Variants in PCYT1B observed in about 807,000 individuals in gnomAD.
The protein encoded by PCYT1B is choline-phosphate cytidylyltransferase B.
Under a neutral mutation model 26.4 loss-of-function variants are expected in PCYT1B, and 10 were observed. That is an observed-to-expected ratio of 0.38 (90% confidence interval 0.23 to 0.64). PCYT1B has a LOEUF of 0.64. PCYT1B is among the 30% of genes least tolerant of loss of function. The pLI is 0.56. For missense variants in PCYT1B, 161 were observed against 292.7 expected, an observed-to-expected ratio of 0.55 and a Z score of 3.28; for synonymous variants, 131 against 108.4, an observed-to-expected ratio of 1.21 and a Z score of -1.29.
intron 2 of PCYT1B, among the ~76,000 whole-genome samples, chrX:24,618,677 G>A (rs1379853099): frequency 9.2e-6 from 1 of 108,981 alleles, no homozygotes; most frequent in Non-Finnish European, 1.9e-5. Context: ...GAGTGCAGTG[G>A]CGCAATCTCG....
intron 1 of PCYT1B, among the ~76,000 whole-genome samples, chrX:24,636,054 T>C (rs756386584): frequency 9.3e-4 from 104 of 111,614 alleles, no homozygotes; most frequent in Non-Finnish European, 1.6e-3. Context: ...GGACTGGTCC[T>C]AGACATAAGG....
chrX:24,655,585 A>G (rs1320171351), intron 1 of PCYT1B, among the ~76,000 whole-genome samples: 1 of 111,603 alleles, frequency 9.0e-6, no homozygotes, highest in Non-Finnish European at 1.9e-5. Context: ...GAGTTCAAAG[A>G]CAGCCTGGTC....
At chrX:24,659,113 C>A (rs769663311) in intron 1 of PCYT1B, among the ~76,000 whole-genome samples, 1 of 111,681 alleles carries the variant, frequency 9.0e-6, no homozygotes, top group Non-Finnish European at 1.9e-5. Context: ...GACCTCAAAG[C>A]CCCCACTCAA....
chrX:24,618,620 A>T (rs1925594631), intron 2 of PCYT1B, among the ~76,000 whole-genome samples: 2 of 29,090 alleles, frequency 6.9e-5, no homozygotes, highest in African/African-American at 3.6e-4. Context: ...GGCCTTTCTG[A>T]TACTTTTTTT....
intron 5 of PCYT1B, among the ~76,000 whole-genome samples, chrX:24,580,391 C>T (rs1924169141): frequency 8.9e-6 from 1 of 111,861 alleles, no homozygotes; most frequent in African/African-American, 3.2e-5. Flanking sequence ...AGTCTGCTCA[C>T]ATTATACTAA....
chrX:24,614,369 C>T (rs1925415927), intron 2 of PCYT1B, among the ~76,000 whole-genome samples: 1 of 111,308 alleles, frequency 9.0e-6, no homozygotes, highest in African/African-American at 3.3e-5. Context: ...TAAAATATGG[C>T]TAGTGTAGGA....
chrX:24,656,956 A>C (rs896025217), intron 1 of PCYT1B, among the ~76,000 whole-genome samples: 1 of 111,760 alleles, frequency 8.9e-6, no homozygotes. Flanking sequence ...AATCAGTTGT[A>C]TATATGATAT....
At chrX:24,637,512 A>G (rs955543509) in intron 1 of PCYT1B, among the ~76,000 whole-genome samples, 2 of 84,445 alleles carry the variant, frequency 2.4e-5, no homozygotes, top group African/African-American at 1.1e-4. Context: ...ATATATATAT[A>G]AATTAGCTGA....
At chrX:24,571,312 C>T (rs770394083) in intron 7 of PCYT1B, among the ~76,000 whole-genome samples, 98 of 111,195 alleles carry the variant, frequency 8.8e-4, no homozygotes, top group Non-Finnish European at 1.4e-3. Flanking sequence ...TGCAGTGAAC[C>T]GAGATCGCGC....
At position 24,562,211 on chromosome X, in the gene PCYT1B, C is replaced by A; in HGVS notation, c.*82G>T. On this transcript the variant is annotated 3_prime_UTR_variant, in exon 8 of 8. Transcript: ENST00000379144. ...AGCTGCAGCTCCTGTGACTATTACC[C>A]TTCAAACACCACCCAGGCAACCCTG... 8.4e-7 allele frequency: 1 copy of A among 1,185,658 alleles called. No individual in the cohort carries two copies. Among genetic ancestry groups the A allele is most frequent in the Admixed American group, 2.3e-5 (1 of 42,580 alleles).
intron 1 of PCYT1B, among the ~76,000 whole-genome samples, chrX:24,635,376 G>C (rs1926240308): frequency 8.9e-6 from 1 of 112,349 alleles, no homozygotes; most frequent in African/African-American, 3.2e-5. Flanking sequence ...CATTGTTGAA[G>C]ATTGAAAGAA....
chrX:24,571,837 A>G (rs935314985), intron 7 of PCYT1B, among the ~76,000 whole-genome samples: 7 of 111,380 alleles, frequency 6.3e-5, no homozygotes, highest in Non-Finnish European at 9.4e-5. Context: ...AGTCCCATCT[A>G]TCTGGGAGGC....
rs755263205 is a variant in PCYT1B, at chrX:24,647,069, C to T, written c.37G>A (p.Gly13Ser). 6.1e-5 allele frequency: 74 copies of T among 1,208,045 alleles called. No individual in the cohort carries two copies. Among genetic ancestry groups the T allele is most frequent in the Non-Finnish European group, 7.9e-5 (71 of 893,468 alleles). ...TCATTGGAAAGGGATTTTGGGATAC[C>T]TGTTTCTGACTCAGCATCAGTGGTA... is the stretch of plus-strand genomic sequence containing the variant. ...VVTTDAESET[G>S]IPKSLSNEPP... The change falls in exon 1 of 8, where the codon GGT becomes AGT. Residue 13 changes from glycine to serine, a missense_variant. By Grantham distance (56) the Gly-to-Ser change is moderately conservative. Around this residue, in one of 4 missense-constraint regions of PCYT1B, gnomAD observed 51 missense variants for 51.0 expected, o/e 1.00. Coordinates refer to ENST00000379144, the MANE Select transcript of PCYT1B (RefSeq NM_004845.5).
At chrX:24,576,406 C>A (rs1924012860) in intron 6 of PCYT1B, among the ~76,000 whole-genome samples, 1 of 111,489 alleles carries the variant, frequency 9.0e-6, no homozygotes, top group African/African-American at 3.3e-5. Flanking sequence ...CGGGTTCAAG[C>A]GATTCTCATG....
At chrX:24,590,790 CTTTTTTT>C (rs1226692293) in intron 3 of PCYT1B, among the ~76,000 whole-genome samples, 2 of 75,330 alleles carry the variant, frequency 2.7e-5, no homozygotes, top group South Asian at 1.5e-3. Context: ...TCACATCTCT[CTTTTTTT>C]TTTTTTTTTT....
intron 2 of PCYT1B, among the ~76,000 whole-genome samples, chrX:24,617,446 A>AT (rs1285689587): frequency 4.5e-4 from 23 of 51,543 alleles, no homozygotes; most frequent in African/African-American, 2.0e-3. Flanking sequence ...ATTTTATATT[A>AT]TTATTATTTT....
chrX:24,573,745 C>T (rs1353429231), intron 7 of PCYT1B, among the ~76,000 whole-genome samples: 1 of 111,350 alleles, frequency 9.0e-6, no homozygotes, highest in East Asian at 2.8e-4. Flanking sequence ...CATGCATAGA[C>T]AAAAACATTA....
chrX:24,625,386 GA>G (rs1925850449), intron 1 of PCYT1B, among the ~76,000 whole-genome samples: 1 of 110,899 alleles, frequency 9.0e-6, no homozygotes, highest in Non-Finnish European at 1.9e-5. Flanking sequence ...AGAGAGGACA[GA>G]AAAAAATAGA....
At chrX:24,661,348 G>C (rs6629903) in intron 1 of PCYT1B, among the ~76,000 whole-genome samples, 1 of 112,067 alleles carries the variant, frequency 8.9e-6, no homozygotes, top group African/African-American at 3.2e-5. Flanking sequence ...TCTTGTCTTA[G>C]AATGAGTAAT....
Sources: gnomAD v4.1 joint callset for allele counts (sites outside exome capture counted in the v4.1 genomes callset) on GRCh38, gnomAD v4.1.1 for gene constraint, gnomAD v4.1.1 regional missense constraint, MANE v1.5 for transcripts, NCBI Gene and HGNC (gene_info 2026-07-23, HGNC 2026-07-21) for gene names.